The following XRCC6 variants were observed in gnomAD, a reference collection of about 807,000 sequenced individuals.
XRCC6 encodes the protein X-ray repair cross complementing 6, also known as DNA repair protein Ku70.
In XRCC6, 5 loss-of-function variants were observed where a neutral mutation model predicts 65.7. That is an observed-to-expected ratio of 0.08 (90% CI 0.04 to 0.16). The LOEUF (loss-of-function observed/expected upper bound fraction) is 0.16. XRCC6 is among the 10% of genes least tolerant of loss of function. XRCC6 has a pLI of 1.00. For missense variants in XRCC6, 447 were observed against 738.1 expected, an observed-to-expected ratio of 0.61 and a Z score of 4.57; for synonymous variants, 270 against 270.6, an observed-to-expected ratio of 1.00 and a Z score of 0.02.
chr22:41,630,736 T>C (rs1569081527), intron 3 of XRCC6, among the ~76,000 whole-genome samples: 1 of 152,136 alleles, frequency 6.6e-6, no homozygotes, highest in African/African-American at 2.4e-5. Context: ...CATTTAACCC[T>C]GAGTGGACAC....
intron 1 of XRCC6, chr22:41,621,733 G>A: frequency 2.1e-6 from 1 of 475,202 alleles, no homozygotes; most frequent in Non-Finnish European, 3.8e-6. Flanking sequence ...CGTCGGGGGC[G>A]GGACCTCCGG....
chr22:41,661,234 G>C (rs1569099875), intron 11 of XRCC6, 97 bp from the exon 12 acceptor site: 1 of 1,012,356 alleles, frequency 9.9e-7, no homozygotes, highest in South Asian at 1.5e-5. Flanking sequence ...TTAGCAGTTA[G>C]GTGCTCTCTC....
chr22:41,641,710 T>G (rs1292054232), intron 6 of XRCC6, among the ~76,000 whole-genome samples: 1 of 152,186 alleles, frequency 6.6e-6, no homozygotes, highest in East Asian at 1.9e-4. Context: ...AGTTTGTCTT[T>G]CTGTGCCTGG....
At position 41,661,361 on chromosome 22, in the gene XRCC6, T is replaced by C. The variant is rs1336667146; in HGVS notation, c.1553T>C (p.Leu518Pro). The C allele has an allele frequency of 6.2e-7, 1 of 1,614,044 alleles. No individual in the cohort carries two copies. Among genetic ancestry groups the C allele is most frequent in the Non-Finnish European group, 8.5e-7 (1 of 1,179,986 alleles). Residue 518 changes from leucine to proline, a missense_variant, in exon 12 of 13, where the codon CTG (leucine) becomes CCG (proline). Coordinates refer to ENST00000360079, the MANE Select transcript of XRCC6 (RefSeq NM_001469.5). ...LPKVEAMNKR[L>P]GSLVDEFKEL... The stretch of plus-strand genomic sequence containing the variant: ...AAGGTTGAAGCAATGAATAAAAGAC[T>C]GGGCTCCTTGGTGGATGAGTTTAAG...
chr22:41,647,441 C>T (rs2067944061), intron 7 of XRCC6, among the ~76,000 whole-genome samples: 1 of 151,940 alleles, frequency 6.6e-6, no homozygotes, highest in African/African-American at 2.4e-5. Context: ...ATGAGCTGGG[C>T]ATGGTGGTGC....
intron 2 of XRCC6, among the ~76,000 whole-genome samples, chr22:41,626,521 C>A (rs1188032696): frequency 1.3e-5 from 2 of 152,052 alleles, no homozygotes; most frequent in Non-Finnish European, 2.9e-5. Flanking sequence ...GTGGTGTGAT[C>A]TCTGCTCCCT....
chr22:41,623,033 T>A (rs28741106), intron 2 of XRCC6, among the ~76,000 whole-genome samples: 10,090 of 152,130 alleles, frequency 0.066, 1,083 homozygotes, highest in African/African-American at 0.23. Context: ...CTACCAGCAT[T>A]TTGACATTTT....
intron 6 of XRCC6, among the ~76,000 whole-genome samples, chr22:41,646,315 G>T (rs1440966542): frequency 6.6e-6 from 1 of 150,898 alleles, no homozygotes; most frequent in Admixed American, 6.6e-5. Context: ...AAAAAAAAAA[G>T]CAGAGACAAG....
intron 3 of XRCC6, among the ~76,000 whole-genome samples, chr22:41,629,373 A>G (rs1402975423): frequency 6.6e-6 from 1 of 152,242 alleles, no homozygotes; most frequent in Non-Finnish European, 1.5e-5. Flanking sequence ...ATGAAAAGGA[A>G]TGAATAATTG....
chr22:41,634,116 A>C (rs949240077), intron 3 of XRCC6, among the ~76,000 whole-genome samples: 1 of 152,154 alleles, frequency 6.6e-6, no homozygotes, highest in African/African-American at 2.4e-5. Context: ...GGCCAGCTAG[A>C]GCTCAGGCAG....
At position 41,637,682 on chromosome 22, in the gene XRCC6, A is replaced by G. The variant is rs201075469; in HGVS notation, c.664A>G (p.Ser222Gly). The change falls in exon 6 of 13, where the codon AGC becomes GGC. Residue 222 changes from serine to glycine, a missense_variant. Ser to Gly is a moderately conservative substitution (Grantham distance 56, BLOSUM62 0). Coordinates refer to ENST00000360079, the MANE Select transcript of XRCC6 (RefSeq NM_001469.5). ...DISLFYRDII[S>G]IAEDEDLRVH... ...ATCCTTGTTCTACAGAGATATCATC[A>G]GCATAGCAGAGGATGAGGACCTCAG... The G allele has an allele frequency of 1.2e-6, 2 of 1,613,198 alleles. No homozygotes were observed. The highest frequency in any genetic ancestry group is 1.3e-5 in the African/African-American group (1 of 75,014).
At position 41,625,879 on chromosome 22, in the gene XRCC6, C is replaced by T. The variant is rs570525372; in HGVS notation, c.83-2239C>T. On this transcript the variant is annotated intron_variant, in intron 2 of 12. Transcript: ENST00000360079. The stretch of plus-strand genomic sequence containing the variant: ...TTTTTATTTGAGATGGAATCTCTGT[C>T]GCCAGGCTGGAGTGCAGTGACTAAT... Among the ~76,000 whole-genome samples the T allele has an allele frequency of 5.9e-5, 9 of 152,282 alleles. No individual in the cohort carries two copies. The South Asian group carries it at 8.3e-4, about 14-fold the overall frequency.
chr22:41,628,277 T>C (rs2067700863), intron 3 of XRCC6, 47 bp downstream of exon 3: 2 of 1,514,720 alleles, frequency 1.3e-6, no homozygotes, highest in Middle Eastern at 1.7e-4. Flanking sequence ...CAGTATTGGC[T>C]GGGCATGGTG....
intron 7 of XRCC6, among the ~76,000 whole-genome samples, chr22:41,649,113 G>T (rs1255253643): frequency 1.3e-4 from 16 of 118,640 alleles, no homozygotes; most frequent in Non-Finnish European, 2.5e-4. Flanking sequence ...TGCACAGCCT[G>T]GGGAAGAGAG....
chr22:41,651,811 T>G (rs1306157947), intron 8 of XRCC6, among the ~76,000 whole-genome samples: 4 of 151,686 alleles, frequency 2.6e-5, no homozygotes, highest in Non-Finnish European at 5.9e-5. Flanking sequence ...TATTCATTTT[T>G]TTGTTGTTGT....
chr22:41,637,494 A>G lies in XRCC6; in HGVS notation c.590-114A>G, dbSNP rs184736092. ...ACTTTTTCTAAGTCCTGAAAATGTTAATAGTCTAGTTTTCAGGGAGCTTTT... is the reference window on the plus strand; with the variant it reads ...ACTTTTTCTAAGTCCTGAAAATGTTGATAGTCTAGTTTTCAGGGAGCTTTT... On this transcript the variant is annotated intron_variant, in intron 5 of 12. Transcript: ENST00000360079. 333 of 945,440 alleles carry G rather than the reference A, an allele frequency of 3.5e-4. No homozygotes were observed. In the African/African-American group the frequency reaches 5.1e-3, roughly 14 times the overall value. 58.6% of individuals were successfully genotyped at this position (945,440 alleles called of 1,614,324 possible).
intron 6 of XRCC6, among the ~76,000 whole-genome samples, chr22:41,641,161 C>T (rs191442402): frequency 7.2e-5 from 11 of 151,798 alleles, no homozygotes; most frequent in Middle Eastern, 3.4e-3. Flanking sequence ...GTGCTTGGCC[C>T]GTGGTAATTA....
chr22:41,648,536 C>T (rs564609627), intron 7 of XRCC6, among the ~76,000 whole-genome samples: 1 of 152,212 alleles, frequency 6.6e-6, no homozygotes, highest in Non-Finnish European at 1.5e-5. Flanking sequence ...CTTTCTGCAT[C>T]TGAAAGACAG....
intron 12 of XRCC6, 66 bp from the exon 13 acceptor site, chr22:41,663,556 C>G: frequency 6.5e-7 from 1 of 1,535,014 alleles, no homozygotes; most frequent in Non-Finnish European, 8.9e-7. Flanking sequence ...GTCCCCCATG[C>G]CATGTAGCTG....
Sources: gnomAD v4.1 joint callset for allele counts (sites outside exome capture counted in the v4.1 genomes callset) on GRCh38, gnomAD v4.1.1 for gene constraint, MANE v1.5 for transcripts, NCBI Gene and HGNC (gene_info 2026-07-23, HGNC 2026-07-21) for gene names.